Variants in PPP3CC observed in about 807,000 individuals in gnomAD.
The protein encoded by PPP3CC is protein phosphatase 3 catalytic subunit gamma, also known as serine/threonine-protein phosphatase 2B catalytic subunit gamma isoform.
A neutral mutation model predicts 60.3 loss-of-function variants in PPP3CC; 35 were observed. The observed-to-expected ratio is 0.58, with a 90% CI of 0.44 to 0.77. The LOEUF (loss-of-function observed/expected upper bound fraction) is 0.77. Among genes scored for constraint, PPP3CC ranks in the 30% least tolerant of loss-of-function variants. PPP3CC has a pLI of 0.00. For missense variants in PPP3CC, 570 were observed against 628.9 expected, an observed-to-expected ratio of 0.91 and a Z score of 1.00; for synonymous variants, 206 against 224.3, an observed-to-expected ratio of 0.92 and a Z score of 0.73.
intron 4 of PPP3CC, among the ~76,000 whole-genome samples, chr8:22,508,730 A>T (rs1419606882): frequency 6.6e-6 from 1 of 152,356 alleles, no homozygotes; most frequent in South Asian, 2.1e-4. Flanking sequence ...CACTGGCAAC[A>T]GAGGGAACTC....
intron 4 of PPP3CC, among the ~76,000 whole-genome samples, chr8:22,506,019 T>C (rs1327039498): frequency 6.6e-6 from 1 of 152,078 alleles, no homozygotes; most frequent in African/African-American, 2.4e-5. Flanking sequence ...GCACTAAGCC[T>C]AGTACCCAGT....
intron 12 of PPP3CC, among the ~76,000 whole-genome samples, chr8:22,535,776 C>T (rs114444521): frequency 2.6e-5 from 4 of 152,162 alleles, no homozygotes; most frequent in African/African-American, 4.8e-5. Flanking sequence ...CTGTTGCCCA[C>T]GCTGGAGTGC....
intron 1 of PPP3CC, among the ~76,000 whole-genome samples, chr8:22,472,571 G>A (rs913793699): frequency 6.6e-6 from 1 of 152,086 alleles, no homozygotes; most frequent in African/African-American, 2.4e-5. Context: ...CCTGCCTGAG[G>A]CTCTTGAGGA....
chr8:22,512,680 A>G (rs753553635), intron 5 of PPP3CC, among the ~76,000 whole-genome samples: 2 of 152,342 alleles, frequency 1.3e-5, no homozygotes, highest in Non-Finnish European at 2.9e-5. Flanking sequence ...GTATATCTCT[A>G]TAGTGGTTGA....
At chr8:22,529,351 T>G (rs1433242478) in intron 10 of PPP3CC, among the ~76,000 whole-genome samples, 1 of 152,260 alleles carries the variant, frequency 6.6e-6, no homozygotes, top group Non-Finnish European at 1.5e-5. Flanking sequence ...ATACTGTTTA[T>G]GATACTTGTT....
At chr8:22,458,687 A>G (rs1349802875) in intron 1 of PPP3CC, among the ~76,000 whole-genome samples, 2 of 152,052 alleles carry the variant, frequency 1.3e-5, no homozygotes, top group Non-Finnish European at 2.9e-5. Context: ...GATTTTAGGA[A>G]GGCTACCTAT....
chr8:22,470,359 A>G (rs1837685831), intron 1 of PPP3CC, among the ~76,000 whole-genome samples: 1 of 152,202 alleles, frequency 6.6e-6, no homozygotes, highest in African/African-American at 2.4e-5. Flanking sequence ...ATAAATTATC[A>G]TAAGCACACT....
chr8:22,524,503 C>G (rs1384632065), intron 8 of PPP3CC, among the ~76,000 whole-genome samples: 2 of 152,136 alleles, frequency 1.3e-5, no homozygotes, highest in Non-Finnish European at 2.9e-5. Flanking sequence ...TCTGCTTCTC[C>G]CTAAGTTCAT....
chr8:22,476,338 G>A (rs767531824), intron 3 of PPP3CC, among the ~76,000 whole-genome samples: 4 of 152,142 alleles, frequency 2.6e-5, no homozygotes, highest in South Asian at 4.1e-4. Flanking sequence ...TTGAAATAGC[G>A]TGGGTAATAG....
chr8:22,492,302 C>T (rs557321795), intron 3 of PPP3CC, among the ~76,000 whole-genome samples: 26 of 151,724 alleles, frequency 1.7e-4, no homozygotes, highest in Admixed American at 1.6e-3. Context: ...ATGGATTGTA[C>T]AGGACTGGAA....
At chr8:22,475,471 C>G in intron 2 of PPP3CC, 29 bp from the exon 3 acceptor site, 1 of 1,592,884 alleles carries the variant, frequency 6.3e-7, no homozygotes. Context: ...GGTATAATTT[C>G]TCACATCACT....
chr8:22,477,445 G>T lies in PPP3CC; in HGVS notation c.372+1821G>T, dbSNP rs530384950. Among the ~76,000 whole-genome samples the T allele has an allele frequency of 1.7e-4, 25 of 150,672 alleles. No homozygotes were observed. The South Asian group carries it at 2.1e-3, about 13-fold the overall frequency. On this transcript the variant is annotated intron_variant, in intron 3 of 13. Transcript: ENST00000240139. ...TGGGCTATTGTGCCGCTACACTCCAGCCTGGGTGACAGAGCAAGACTCTGT... is the reference window on the plus strand; with the variant it reads ...TGGGCTATTGTGCCGCTACACTCCATCCTGGGTGACAGAGCAAGACTCTGT...
chr8:22,466,125 A>G (rs1837514413), intron 1 of PPP3CC, among the ~76,000 whole-genome samples: 1 of 151,950 alleles, frequency 6.6e-6, no homozygotes, highest in Non-Finnish European at 1.5e-5. Flanking sequence ...GCTGAGAATG[A>G]TGGTTTCCAG....
chr8:22,530,831 A>AAC lies in PPP3CC; in HGVS notation c.1142-1393_1142-1392insCA, dbSNP rs1222876672. ...TGGCGACAGAGCGAGACTCATCTCAAAAAAAAAAAAAAAAAAAAAAAAAAA... is the reference window on the plus strand; with the variant it reads ...TGGCGACAGAGCGAGACTCATCTCAAACAAAAAAAAAAAAAAAAAAAAAAAAA... On this transcript the variant is annotated intron_variant, in intron 10 of 13. Coordinates refer to ENST00000240139, the MANE Select transcript of PPP3CC (RefSeq NM_005605.5). Among the ~76,000 whole-genome samples the AAC allele has an allele frequency of 8.0e-5, 3 of 37,604 alleles. No individual in the cohort carries two copies. The African/African-American group carries it at 8.0e-4, about 10-fold the overall frequency. 24.7% of individuals were successfully genotyped at this position (37,604 alleles called of 152,430 possible).
At chr8:22,446,762 C>T (rs553305883) in intron 1 of PPP3CC, among the ~76,000 whole-genome samples, 11 of 136,872 alleles carry the variant, frequency 8.0e-5, no homozygotes, top group East Asian at 6.7e-4. Context: ...ACTGAGATTG[C>T]GCCACTGCAC....
chr8:22,506,982 T>C (rs1423193802), intron 4 of PPP3CC, among the ~76,000 whole-genome samples: 2 of 148,938 alleles, frequency 1.3e-5, no homozygotes, highest in Non-Finnish European at 1.5e-5. Flanking sequence ...AAATTTGAGC[T>C]ATGTCTCACG....
At position 22,531,263 on chromosome 8, in the gene PPP3CC, C is replaced by T. The variant is rs1297851876; in HGVS notation, c.1142-962C>T. 2.6e-6 allele frequency: 4 copies of T among 1,509,524 alleles called. 1 individual carries two copies. In the South Asian group the frequency reaches 4.8e-5, roughly 18 times the overall value. 93.5% of individuals were successfully genotyped at this position (1,509,524 alleles called of 1,614,324 possible). On this transcript the variant is annotated intron_variant, in intron 10 of 13. Coordinates refer to ENST00000240139, the MANE Select transcript of PPP3CC (RefSeq NM_005605.5). ...TAAATTTCTCTTCTCATATTTCTGT[C>T]TTCATCTCCTTGTTTCTTGGTGTTT... is the stretch of plus-strand genomic sequence containing the variant.
intron 13 of PPP3CC, 152 bp from the exon 14 acceptor site, chr8:22,540,463 G>T: frequency 1.4e-6 from 1 of 694,740 alleles, no homozygotes; most frequent in Non-Finnish European, 2.3e-6. Flanking sequence ...GATTCAGTCA[G>T]ACATTGCCCA....
intron 4 of PPP3CC, among the ~76,000 whole-genome samples, chr8:22,507,222 A>C (rs1838952122): frequency 6.6e-6 from 1 of 152,204 alleles, no homozygotes; most frequent in African/African-American, 2.4e-5. Flanking sequence ...GCTGACTCTC[A>C]AAATTGCTTT....
Sources: allele counts gnomAD v4.1 joint callset (sites outside exome capture counted in the v4.1 genomes callset), GRCh38; gene constraint gnomAD v4.1.1; transcripts MANE v1.5; gene names NCBI Gene and HGNC (gene_info 2026-07-23, HGNC 2026-07-21).